CCDC138: variants seen among roughly 807,000 people sequenced by gnomAD.
CCDC138 encodes the protein coiled-coil domain containing 138.
CCDC138 carries 66 observed loss-of-function variants against 82.3 expected under a neutral mutation model. That is an observed-to-expected ratio of 0.80 (90% CI 0.66 to 0.98). The LOEUF (loss-of-function observed/expected upper bound fraction) is 0.98. Ranked by LOEUF, CCDC138 falls within the 50% of genes least tolerant of loss-of-function variation. The pLI is 0.00. For synonymous variants in CCDC138, 297 were observed against 265.4 expected, an observed-to-expected ratio of 1.12 and a Z score of -1.16; for missense variants, 816 against 758.9, an observed-to-expected ratio of 1.08 and a Z score of -0.88.
rs148154480 is a variant in CCDC138 at position 108,831,420 on chromosome 2, A to G, written c.1207-7765A>G. Among the ~76,000 whole-genome samples the G allele has an allele frequency of 5.8e-3, 889 of 152,304 alleles. 8 individuals carry two copies. Among genetic ancestry groups the G allele is most frequent in the African/African-American group, 0.014 (575 of 41,572 alleles). ...AAACATTCAAAAGATAAGAAAAAGTACTTTTTTATTATGTTTGGATTAAGA... is the reference window on the plus strand; with the variant it reads ...AAACATTCAAAAGATAAGAAAAAGTGCTTTTTTATTATGTTTGGATTAAGA... On this transcript the variant is annotated intron_variant, in intron 10 of 14. Transcript: ENST00000295124.
At chr2:108,869,375 GAGA>G (rs1364648212) in intron 13 of CCDC138, among the ~76,000 whole-genome samples, 1 of 152,200 alleles carries the variant, frequency 6.6e-6, no homozygotes, top group Non-Finnish European at 1.5e-5. Flanking sequence ...TTCCTCAGGA[GAGA>G]AGGATTCAAG....
chr2:108,794,206 TA>T, intron 4 of CCDC138, among the ~76,000 whole-genome samples: 1 of 152,302 alleles, frequency 6.6e-6, no homozygotes, highest in Middle Eastern at 3.4e-3. Flanking sequence ...AAATTTGGTT[TA>T]GGGGAGAGAG....
chr2:108,817,848 G>A (rs1685054899), intron 10 of CCDC138, among the ~76,000 whole-genome samples: 1 of 152,086 alleles, frequency 6.6e-6, no homozygotes, highest in South Asian at 2.1e-4. Flanking sequence ...TTAAGTTTGT[G>A]GTATTTGTTA....
rs143934991 is a variant in CCDC138 at position 108,796,970 on chromosome 2, T to C, written c.577-1458T>C. The stretch of plus-strand genomic sequence containing the variant: ...TTTTAAAGTGGCTAGAGAAGAATTG[T>C]AATGTTCTCAACACAAAGAAAGAAT... On this transcript the variant is annotated intron_variant, in intron 5 of 14. Coordinates refer to ENST00000295124, the MANE Select transcript of CCDC138 (RefSeq NM_144978.3). 8.8e-3 allele frequency among the ~76,000 whole-genome samples: 1,342 copies of C among 152,332 alleles called. 10 individuals are homozygous for C. The highest frequency in any genetic ancestry group is 0.014 in the Non-Finnish European group (979 of 68,028).
At chr2:108,880,224 CAA>C (rs3028925), downstream of CCDC138, among the ~76,000 whole-genome samples, 7 of 50,454 alleles carry the variant, frequency 1.4e-4, no homozygotes, top group African/African-American at 2.6e-4. Flanking sequence ...CAAAAACAAA[CAA>C]AAAAAAAAAC....
At chr2:108,837,034 A>T (rs1006149680) in intron 10 of CCDC138, among the ~76,000 whole-genome samples, 8 of 151,766 alleles carry the variant, frequency 5.3e-5, no homozygotes, top group African/African-American at 1.9e-4. Flanking sequence ...TCCAATTTGG[A>T]TACTTTTTAT....
intron 7 of CCDC138, among the ~76,000 whole-genome samples, chr2:108,811,427 G>A (rs1034948338): frequency 6.6e-6 from 1 of 151,546 alleles, no homozygotes; most frequent in Admixed American, 6.6e-5. Context: ...TAATTTTGTT[G>A]TAGAGATGAG....
chr2:108,806,373 G>C (rs1159991448), intron 7 of CCDC138, among the ~76,000 whole-genome samples: 1 of 152,146 alleles, frequency 6.6e-6, no homozygotes, highest in Non-Finnish European at 1.5e-5. Flanking sequence ...ATGAGTGTGT[G>C]GTAATTGGGG....
chr2:108,813,056 TG>T, intron 9 of CCDC138, 129 bp downstream of exon 9: 1 of 644,462 alleles, frequency 1.6e-6, no homozygotes, highest in South Asian at 1.9e-5. Context: ...GAGACCATCC[TG>T]GCCAACATGG....
chr2:108,855,487 TAA>T (rs377641921), intron 12 of CCDC138, among the ~76,000 whole-genome samples: 3 of 137,436 alleles, frequency 2.2e-5, no homozygotes, highest in African/African-American at 2.7e-5. Flanking sequence ...GTGGTGTTGC[TAA>T]AAAAAAAAAA....
intron 13 of CCDC138, among the ~76,000 whole-genome samples, chr2:108,864,948 G>T (rs1170449674): frequency 1.3e-5 from 2 of 152,060 alleles, no homozygotes; most frequent in African/African-American, 4.8e-5. Context: ...GCAAGAGTGA[G>T]GCCCTGTTTT....
At chr2:108,878,563 A>T (rs1031764011), downstream of CCDC138, 6 of 200,960 alleles carry the variant, frequency 3.0e-5, no homozygotes, top group African/African-American at 4.7e-5. Flanking sequence ...GGACAGTCAG[A>T]TATGTTTTAT....
intron 3 of CCDC138, chr2:108,791,457 CTATT>C (rs993047020): frequency 6.5e-5 from 35 of 536,794 alleles, no homozygotes; most frequent in Non-Finnish European, 1.1e-4. Context: ...TAAATTAAGT[CTATT>C]TAATGTGTAG....
intron 11 of CCDC138, among the ~76,000 whole-genome samples, chr2:108,840,186 C>T (rs1373256044): frequency 2.6e-5 from 4 of 151,952 alleles, no homozygotes; most frequent in Non-Finnish European, 5.9e-5. Context: ...TGAAATAAAA[C>T]CCACTTGGTT....
downstream of CCDC138, among the ~76,000 whole-genome samples, chr2:108,879,425 T>C (rs1696225737): frequency 1.3e-5 from 2 of 152,222 alleles, no homozygotes; most frequent in Non-Finnish European, 2.9e-5. Context: ...ATTCATTTTA[T>C]GCAGTTAGCA....
chr2:108,839,878 G>A (rs866336089), intron 11 of CCDC138, among the ~76,000 whole-genome samples: 1 of 149,834 alleles, frequency 6.7e-6, no homozygotes, highest in South Asian at 2.1e-4. Context: ...CTACCTTATT[G>A]CATTAGCTAG....
At position 108,809,164 on chromosome 2, in the gene CCDC138, C is replaced by T. The variant is rs143916102; in HGVS notation, c.856-3467C>T. On this transcript the variant is annotated intron_variant, in intron 7 of 14. Coordinates refer to ENST00000295124, the MANE Select transcript of CCDC138 (RefSeq NM_144978.3). ...TATTTCTGAGTTCTCTATGCTGTTC[C>T]ATTAGTCTATGTGTCTGTTTTTATG... Among the ~76,000 whole-genome samples, 721 of 152,164 alleles carry T rather than the reference C, an allele frequency of 4.7e-3. 2 individuals carry two copies. The highest frequency in any genetic ancestry group is 6.6e-3 in the Non-Finnish European group (451 of 67,992).
intron 13 of CCDC138, among the ~76,000 whole-genome samples, chr2:108,860,388 A>G (rs1222767243): frequency 6.6e-6 from 1 of 152,048 alleles, no homozygotes; most frequent in African/African-American, 2.4e-5. Context: ...GAGTGGTGAA[A>G]GTGGACATAC....
chr2:108,790,313 C>T (rs1679696705), intron 3 of CCDC138, among the ~76,000 whole-genome samples: 1 of 152,050 alleles, frequency 6.6e-6, no homozygotes, highest in Non-Finnish European at 1.5e-5. Context: ...TGAGTTTTAT[C>T]ATTTTTTATA....
Sources: gnomAD v4.1 joint callset for allele counts (sites outside exome capture counted in the v4.1 genomes callset) on GRCh38, gnomAD v4.1.1 for gene constraint, MANE v1.5 for transcripts, NCBI Gene and HGNC (gene_info 2026-07-23, HGNC 2026-07-21) for gene names.